Variants in NRXN1 observed in about 807,000 individuals in gnomAD.
NRXN1 encodes neurexin-1.
A neutral mutation model predicts 150.9 loss-of-function variants in NRXN1; 39 were observed. The ratio of observed to expected loss-of-function variants is 0.26; its 90% confidence interval spans 0.20 to 0.34. The LOEUF is 0.34. NRXN1 is among the 10% of genes least tolerant of loss of function. The pLI, the probability that NRXN1 is intolerant of heterozygous loss-of-function variation, is 1.00. For missense variants in NRXN1, 1,815 were observed against 1,949.9 expected, an observed-to-expected ratio of 0.93 and a Z score of 1.30; for synonymous variants, 924 against 757.0, an observed-to-expected ratio of 1.22 and a Z score of -3.62.
At chr2:50,079,535 G>C (rs375807356) in intron 19 of NRXN1, among the ~76,000 whole-genome samples, 1 of 151,954 alleles carries the variant, frequency 6.6e-6, no homozygotes, top group Non-Finnish European at 1.5e-5. Flanking sequence ...ACTTTGAATA[G>C]TGCCCAAAAT....
chr2:50,405,737 C>T (rs552200253), intron 17 of NRXN1, among the ~76,000 whole-genome samples: 131 of 152,134 alleles, frequency 8.6e-4, no homozygotes, highest in Middle Eastern at 6.8e-3. Context: ...TACTCACTCA[C>T]GTGACTCAAA....
At chr2:50,430,780 G>A (rs528921908) in intron 17 of NRXN1, among the ~76,000 whole-genome samples, 9 of 152,284 alleles carry the variant, frequency 5.9e-5, no homozygotes, top group Non-Finnish European at 1.0e-4. Flanking sequence ...ACAAGTCAGG[G>A]TATCTAATTC....
At chr2:50,026,325 T>G (rs1558720328) in intron 21 of NRXN1, among the ~76,000 whole-genome samples, 1 of 152,216 alleles carries the variant, frequency 6.6e-6, no homozygotes, top group Admixed American at 6.5e-5. Flanking sequence ...TGTCCTCCAA[T>G]CTCAATGTCA....
At position 50,552,593 on chromosome 2, in the gene NRXN1, G is replaced by A. The variant is rs576046184; in HGVS notation, c.1753C>T (p.Arg585Trp). The A allele has an allele frequency of 3.1e-6, 5 of 1,608,474 alleles. No individual in the cohort carries two copies. Among genetic ancestry groups the A allele is most frequent in the Non-Finnish European group, 4.3e-6 (5 of 1,175,388 alleles). The part of the protein sequence containing the change: ...WYHVDFQRDG[R>W]SGTISVNTLR... Reference sequence around the variant, plus strand: ...AGAAAAATGATAAGATTACCTGACCGTCCGTCTCTCTGGAAGTCCACATGA... The same window carrying A: ...AGAAAAATGATAAGATTACCTGACCATCCGTCTCTCTGGAAGTCCACATGA... The change falls in exon 9 of 23, where the codon CGG (arginine) becomes TGG (tryptophan). Residue 585 changes from arginine to tryptophan, a missense_variant. By Grantham distance (101) the Arg-to-Trp change is moderately radical. Around this residue, in one of 6 missense-constraint regions of NRXN1, gnomAD observed 638 missense variants for 652.6 expected, o/e 0.98. Coordinates refer to ENST00000401669, the MANE Select transcript of NRXN1 (RefSeq NM_001330078.2).
intron 17 of NRXN1, among the ~76,000 whole-genome samples, chr2:50,427,121 G>A (rs1558712303): frequency 6.6e-6 from 1 of 152,176 alleles, no homozygotes; most frequent in East Asian, 1.9e-4. Context: ...TCTTGTTTAA[G>A]ATACTAAATC....
intron 18 of NRXN1, among the ~76,000 whole-genome samples, chr2:50,214,343 G>C (rs1281794334): frequency 1.3e-5 from 2 of 152,020 alleles, no homozygotes; most frequent in Non-Finnish European, 2.9e-5. Context: ...TCTTTTTCAA[G>C]TAGATTGCAT....
At chr2:50,534,586 T>G (rs566299350) in intron 10 of NRXN1, among the ~76,000 whole-genome samples, 1 of 152,254 alleles carries the variant, frequency 6.6e-6, no homozygotes, top group South Asian at 2.1e-4. Context: ...TAAAAGAAAT[T>G]TGATCTTTAC....
intron 17 of NRXN1, among the ~76,000 whole-genome samples, chr2:50,334,665 G>A (rs1378209237): frequency 6.6e-6 from 1 of 152,090 alleles, no homozygotes; most frequent in Non-Finnish European, 1.5e-5. Context: ...TGTGAGGTGG[G>A]ACCGATATTC....
At chr2:50,673,369 T>C (rs746654474) in intron 5 of NRXN1, among the ~76,000 whole-genome samples, 5 of 152,098 alleles carry the variant, frequency 3.3e-5, no homozygotes, top group Non-Finnish European at 5.9e-5. Flanking sequence ...TGAATGAAAA[T>C]AATATGAAGC....
chr2:50,345,495 A>C lies in NRXN1; in HGVS notation c.3365-108525T>G, dbSNP rs556698415. On this transcript the variant is annotated intron_variant, in intron 17 of 22. Coordinates refer to ENST00000401669, the MANE Select transcript of NRXN1 (RefSeq NM_001330078.2). ...GGGTCCTGCAAGAAAGAGGTGGAAA[A>C]TGGATATAAAAAAAGTGCCCACAAC... Among the ~76,000 whole-genome samples the C allele has an allele frequency of 2.6e-5, 4 of 152,278 alleles. No individual in the cohort carries two copies. In the East Asian group the frequency reaches 7.7e-4, roughly 29 times the overall value.
At chr2:50,771,962 G>A (rs952420927) in intron 5 of NRXN1, among the ~76,000 whole-genome samples, 1 of 152,054 alleles carries the variant, frequency 6.6e-6, no homozygotes, top group African/African-American at 2.4e-5. Context: ...TGCCATAGCA[G>A]GTAAGGGTCT....
At chr2:50,036,173 T>TA (rs1558741582) in intron 21 of NRXN1, among the ~76,000 whole-genome samples, 1 of 152,078 alleles carries the variant, frequency 6.6e-6, no homozygotes, top group African/African-American at 2.4e-5. Context: ...CAGGCGGAGG[T>TA]AACTGAATCA....
intron 8 of NRXN1, 141 bp downstream of exon 8, chr2:50,619,881 C>G (rs1679685916): frequency 1.5e-6 from 1 of 681,434 alleles, no homozygotes; most frequent in Non-Finnish European, 2.3e-6. Context: ...CCCAATCCTA[C>G]ATAAACAATA....
chr2:50,222,622 T>C (rs1219237009), intron 18 of NRXN1, among the ~76,000 whole-genome samples: 2 of 151,824 alleles, frequency 1.3e-5, no homozygotes, highest in African/African-American at 4.8e-5. Context: ...GCTGAAAAAA[T>C]TAAAATACCC....
chr2:50,721,233 A>C (rs72887581), intron 5 of NRXN1, among the ~76,000 whole-genome samples: 2 of 152,128 alleles, frequency 1.3e-5, no homozygotes, highest in East Asian at 3.9e-4. Context: ...CCTAAGAACC[A>C]TTCAATTTCC....
intron 18 of NRXN1, among the ~76,000 whole-genome samples, chr2:50,127,418 T>C (rs889615654): frequency 3.3e-5 from 5 of 152,160 alleles, no homozygotes; most frequent in African/African-American, 1.2e-4. Flanking sequence ...GGTTTTCTTT[T>C]TTTTGTCACT....
At position 50,254,743 on chromosome 2, in the gene NRXN1, C is replaced by G. The variant is rs908027701; in HGVS notation, c.3365-17773G>C. Among the ~76,000 whole-genome samples, 5 of 152,274 alleles carry G rather than the reference C, an allele frequency of 3.3e-5. No individual in the cohort carries two copies. In the South Asian group the frequency reaches 1.0e-3, roughly 32 times the overall value. ...ATTCCTTATCTCAAGCCTACTCCAA[C>G]AGCCTATGAAGATGGCAGTAAGAGT... On this transcript the variant is annotated intron_variant, in intron 17 of 22. Transcript: ENST00000401669.
chr2:50,789,126 G>A (rs1705576186), intron 5 of NRXN1, among the ~76,000 whole-genome samples: 1 of 152,140 alleles, frequency 6.6e-6, no homozygotes, highest in Admixed American at 6.5e-5. Context: ...GATTTTAAGT[G>A]TAATTTTACA....
chr2:50,469,287 T>C (rs556972667), intron 16 of NRXN1, among the ~76,000 whole-genome samples: 38 of 151,786 alleles, frequency 2.5e-4, no homozygotes, highest in African/African-American at 8.7e-4. Context: ...ATCCGTACTC[T>C]AGCTGAGGTG....
Sources: allele counts gnomAD v4.1 joint callset (sites outside exome capture counted in the v4.1 genomes callset), GRCh38; gene constraint gnomAD v4.1.1; regional missense constraint gnomAD v4.1.1; transcripts MANE v1.5; gene names NCBI Gene and HGNC (gene_info 2026-07-23, HGNC 2026-07-21).